KIF19: variants seen among roughly 807,000 people sequenced by gnomAD.
KIF19 encodes the protein kinesin family member 19.
KIF19 carries 98 observed loss-of-function variants against 106.6 expected under a neutral mutation model. That is an observed-to-expected ratio of 0.92 (90% confidence interval 0.78 to 1.09). The LOEUF (loss-of-function observed/expected upper bound fraction) is 1.09, where lower values mean the gene tolerates loss of function less well. Ranked by LOEUF, KIF19 falls within the 50% of genes least tolerant of loss-of-function variation. KIF19 has a pLI of 0.00. For missense variants in KIF19, 1,373 were observed against 1,414.3 expected (o/e 0.97, Z 0.47); for synonymous variants, 516 against 584.2 (o/e 0.88, Z 1.68).
intron 13 of KIF19, 39 bp from the exon 14 acceptor site, chr17:74,352,180 G>C: frequency 6.3e-7 from 1 of 1,589,478 alleles, no homozygotes; most frequent in Non-Finnish European, 8.6e-7. Flanking sequence ...CCGCGGGGGG[G>C]CCGCTGGCAC....
intron 15 of KIF19, 60 bp downstream of exon 15, chr17:74,353,014 C>A: frequency 1.3e-6 from 2 of 1,595,262 alleles, no homozygotes; most frequent in South Asian, 1.1e-5. Flanking sequence ...AGAGGCCAAC[C>A]CAGACTAAGG....
chr17:74,342,568 A>G (rs1231165161), intron 3 of KIF19, 62 bp from the exon 4 acceptor site: 16 of 1,271,664 alleles, frequency 1.3e-5, no homozygotes, highest in Non-Finnish European at 1.8e-5. Flanking sequence ...AGGAAGAGCC[A>G]GTGGGTGCCT....
intron 2 of KIF19, chr17:74,328,837 C>T (rs1567894275): frequency 9.6e-6 from 2 of 207,330 alleles, no homozygotes; most frequent in East Asian, 2.6e-4. Context: ...AGCTAAAGCT[C>T]GCCTCTAGGG....
chr17:74,342,977 TC>T, intron 4 of KIF19, 46 bp from the exon 5 acceptor site: 2 of 1,527,878 alleles, frequency 1.3e-6, no homozygotes, highest in Non-Finnish European at 1.8e-6. Flanking sequence ...CAGCAAGGCC[TC>T]CCTCCCAGCC....
At position 74,326,403 on chromosome 17, in the gene KIF19, G is replaced by GA; in HGVS notation, c.39+16dup. The GA allele has an allele frequency of 6.2e-7, 1 of 1,611,904 alleles. No individual in the cohort carries two copies. The highest frequency in any genetic ancestry group is 8.5e-7 in the Non-Finnish European group (1 of 1,178,794). On this transcript the variant is annotated intron_variant, in intron 1 of 19. Coordinates refer to ENST00000389916, the MANE Select transcript of KIF19 (RefSeq NM_153209.4). ...AGCAACTCATGGTGAGACCCTTTTA[G>GA]ACCCTCCTCCCCACCCCGCTCCGTG...
At chr17:74,334,025 A>C (rs1204771828) in intron 2 of KIF19, among the ~76,000 whole-genome samples, 2 of 151,708 alleles carry the variant, frequency 1.3e-5, no homozygotes, top group Admixed American at 1.3e-4. Flanking sequence ...TGGTCTGGCT[A>C]TCTTGCCCAG....
At chr17:74,330,468 A>G (rs535455486) in intron 2 of KIF19, among the ~76,000 whole-genome samples, 9 of 152,342 alleles carry the variant, frequency 5.9e-5, no homozygotes, top group African/African-American at 1.9e-4. Context: ...GAGGAGCCAT[A>G]GAGTTCAGGA....
intron 15 of KIF19, 54 bp downstream of exon 15, chr17:74,353,008 G>T: frequency 6.2e-7 from 1 of 1,603,234 alleles, no homozygotes; most frequent in Non-Finnish European, 8.5e-7. Context: ...TCCCAGAGAG[G>T]CCAACCCAGA....
intron 1 of KIF19, among the ~76,000 whole-genome samples, chr17:74,328,160 G>A (rs190800143): frequency 1.1e-4 from 17 of 152,312 alleles, no homozygotes; most frequent in African/African-American, 3.1e-4. Flanking sequence ...TTATTTGGGC[G>A]TGAGGCTGAG....
intron 2 of KIF19, among the ~76,000 whole-genome samples, chr17:74,337,908 A>G (rs1184634602): frequency 6.6e-6 from 1 of 152,152 alleles, no homozygotes; most frequent in East Asian, 1.9e-4. Context: ...AGGGGACAGG[A>G]ATAGGGTGAT....
intron 8 of KIF19, 106 bp from the exon 9 acceptor site, chr17:74,347,670 TA>T: frequency 1.5e-6 from 2 of 1,354,634 alleles, no homozygotes; most frequent in Non-Finnish European, 2.0e-6. Flanking sequence ...CCCTTAAGTG[TA>T]AAGAGACAGA....
At chr17:74,337,050 T>C (rs2054235583) in intron 2 of KIF19, among the ~76,000 whole-genome samples, 1 of 152,102 alleles carries the variant, frequency 6.6e-6, no homozygotes, top group Non-Finnish European at 1.5e-5. Context: ...GCCAGGCTGG[T>C]CTCGAACTCC....
At position 74,351,789 on chromosome 17, in the gene KIF19, T is replaced by C. The variant is rs960143534; in HGVS notation, c.1588-78T>C. 3.0e-6 allele frequency: 4 copies of C among 1,348,664 alleles called. No individual in the cohort carries two copies. The African/African-American group carries it at 4.6e-5, about 16-fold the overall frequency. The allele number at this position is 1,348,664 out of a possible 1,614,324, so 83.5% of individuals were successfully genotyped here. A position where few individuals can be genotyped will look rare whatever the true frequency, so the allele number is the denominator to read the frequency against. On this transcript the variant is annotated intron_variant, in intron 12 of 19. Transcript: ENST00000389916. ...AGACAGATGCCTGGAGTCCAGGCGC[T>C]GGAGGGTCGAGGACGAGCTGGGCAG...
intron 5 of KIF19, among the ~76,000 whole-genome samples, chr17:74,343,938 C>A (rs111732529): frequency 1.3e-5 from 2 of 152,254 alleles, no homozygotes; most frequent in African/African-American, 4.8e-5. Flanking sequence ...CACTCAGGAC[C>A]CTGCCCGGTG....
intron 17 of KIF19, 31 bp from the exon 18 acceptor site, chr17:74,354,131 C>T (rs374656651): frequency 7.4e-5 from 117 of 1,575,450 alleles, no homozygotes; most frequent in South Asian, 6.2e-4. Flanking sequence ...GCCTTGATCT[C>T]GGGTTGTATG....
At chr17:74,354,716 G>A in intron 18 of KIF19, 66 bp from the exon 19 acceptor site, 1 of 1,530,532 alleles carries the variant, frequency 6.5e-7, no homozygotes. Flanking sequence ...CATAGTAGCT[G>A]GGACAGATCC....
intron 2 of KIF19, among the ~76,000 whole-genome samples, chr17:74,332,220 G>GTGTGTT (rs1567897776): frequency 3.0e-5 from 4 of 131,266 alleles, no homozygotes; most frequent in East Asian, 2.3e-4. Context: ...TTGTGTGTGT[G>GTGTGTT]TGTGTGTGTG....
chr17:74,349,090 G>T, intron 9 of KIF19, 94 bp from the exon 10 acceptor site: 1 of 1,299,324 alleles, frequency 7.7e-7, no homozygotes, highest in East Asian at 2.4e-5. Flanking sequence ...AGAAAGACTG[G>T]GGGAGGCAGG....
At position 74,341,932 on chromosome 17, in the gene KIF19, C is replaced by T. The variant is rs2054385793; in HGVS notation, c.177C>T (p.Arg59=). The T allele has an allele frequency of 6.2e-7, 1 of 1,613,714 alleles. No individual in the cohort carries two copies. The highest frequency in any genetic ancestry group is 8.5e-7 in the Non-Finnish European group (1 of 1,179,838). The change falls in exon 3 of 20, where the codon CGC becomes CGT. Residue 59 remains arginine (R), a synonymous_variant. Coordinates refer to ENST00000389916, the MANE Select transcript of KIF19 (RefSeq NM_153209.4). The part of the protein sequence containing the change: ...EDPDDILRAH[R]SREKSYLFDV... ...CCGACGACATCCTGCGGGCGCATCG[C>T]TCCCGGGAGAAGTCCTACCTGTTCG...
Sources: gnomAD v4.1 joint callset for allele counts (sites outside exome capture counted in the v4.1 genomes callset) on GRCh38, gnomAD v4.1.1 for gene constraint, MANE v1.5 for transcripts, NCBI Gene and HGNC (gene_info 2026-07-23, HGNC 2026-07-21) for gene names.